Variants in NFIB observed in about 807,000 individuals in gnomAD.
NFIB encodes nuclear factor I B.
Under a neutral mutation model 61.5 loss-of-function variants are expected in NFIB, and 11 were observed. The observed-to-expected ratio is 0.18, with a 90% CI of 0.11 to 0.30. NFIB has a LOEUF of 0.30. Among genes scored for constraint, NFIB ranks in the 10% least tolerant of loss-of-function variants. NFIB has a pLI of 1.00. For synonymous variants in NFIB, 260 were observed against 216.5 expected (o/e 1.20, Z -1.76); for missense variants, 471 against 608.9 (o/e 0.77, Z 2.38).
At chr9:14,155,583 C>G (rs553088727) in intron 4 of NFIB, among the ~76,000 whole-genome samples, 4 of 151,954 alleles carry the variant, frequency 2.6e-5, no homozygotes, top group Non-Finnish European at 4.4e-5. Flanking sequence ...TAAATGAATA[C>G]CAATAACATG....
At chr9:14,470,220 T>C in the NFIB span, among the ~76,000 whole-genome samples, 1 of 152,180 alleles carries the variant, frequency 6.6e-6, no homozygotes, top group African/African-American at 2.4e-5. Context: ...GCTGTTATTG[T>C]CATTGCAGCA....
chr9:14,451,024 T>C, the NFIB span, among the ~76,000 whole-genome samples: 4 of 152,208 alleles, frequency 2.6e-5, no homozygotes, highest in South Asian at 4.1e-4. Context: ...CACACAACTA[T>C]TTAGAGCAGG....
chr9:14,380,893 AC>A lies in NFIB; in HGVS notation c.108+17630del, dbSNP rs1211425201. On this transcript the variant is annotated intron_variant, in intron 1 of 8. Transcript: ENST00000380934. ...AGAAGCTAGGTGCTGTCACTAATTC[AC>A]CTCATCTGTTCTTCCAGCACTCAGA... is the stretch of plus-strand genomic sequence containing the variant. Among the ~76,000 whole-genome samples the A allele has an allele frequency of 2.0e-5, 3 of 151,672 alleles. No homozygotes were observed. The South Asian group carries it at 6.3e-4, about 32-fold the overall frequency.
At position 14,120,827 on chromosome 9, in the gene NFIB, A is replaced by G. The variant is rs973527497; in HGVS notation, c.1061-203T>C. ...ACGGCTAACTACACAGAGATAAAACATCACTCTAGAAAATTAACAATCTTG... is the reference window on the plus strand; with the variant it reads ...ACGGCTAACTACACAGAGATAAAACGTCACTCTAGAAAATTAACAATCTTG... On this transcript the variant is annotated intron_variant, in intron 7 of 10. Transcript: ENST00000380953. The surrounding 1 kb of genome is among the most constrained non-coding windows in gnomAD (Gnocchi z 4.4). Among the ~76,000 whole-genome samples the G allele has an allele frequency of 6.6e-6, 1 of 152,234 alleles. No individual in the cohort carries two copies. The highest frequency in any genetic ancestry group is 2.4e-5 in the African/African-American group (1 of 41,464).
At chr9:14,366,917 G>A (rs545109355) in intron 1 of NFIB, among the ~76,000 whole-genome samples, 1 of 152,316 alleles carries the variant, frequency 6.6e-6, no homozygotes, top group Admixed American at 6.5e-5. Flanking sequence ...GGCACCTCCA[G>A]CTTTTCTTCT....
At chr9:14,475,232 T>A in the NFIB span, among the ~76,000 whole-genome samples, 1 of 152,238 alleles carries the variant, frequency 6.6e-6, no homozygotes, top group Non-Finnish European at 1.5e-5. Context: ...GCTAAGTGAC[T>A]TGCCCATGGT....
At chr9:14,096,518 G>A (rs1378937531) in intron 10 of NFIB, 2 of 152,184 alleles carry the variant, frequency 1.3e-5, no homozygotes, top group African/African-American at 4.8e-5. Context: ...TCACACTGCA[G>A]ATCCTGCTGC....
At chr9:14,164,366 T>A (rs1225322320) in intron 3 of NFIB, among the ~76,000 whole-genome samples, 1 of 152,050 alleles carries the variant, frequency 6.6e-6, no homozygotes, top group Non-Finnish European at 1.5e-5. Context: ...CTAGGCTATA[T>A]GCATGAAATT....
At chr9:14,287,840 G>A (rs1192893678) in intron 2 of NFIB, among the ~76,000 whole-genome samples, 2 of 152,092 alleles carry the variant, frequency 1.3e-5, no homozygotes, top group Non-Finnish European at 2.9e-5. Flanking sequence ...ATTGTTGGGT[G>A]TGTCACTAGA....
At chr9:14,195,590 T>C (rs921576479) in intron 2 of NFIB, among the ~76,000 whole-genome samples, 1 of 152,212 alleles carries the variant, frequency 6.6e-6, no homozygotes, top group Non-Finnish European at 1.5e-5. Context: ...ACTGTCGATA[T>C]AAATGACTGC....
At chr9:14,411,462 G>A in the NFIB span, among the ~76,000 whole-genome samples, 1,201 of 152,204 alleles carry the variant, frequency 7.9e-3, 10 homozygotes, top group African/African-American at 0.028. Flanking sequence ...CTTTCCTCCT[G>A]GCTTAGAAAA....
intron 2 of NFIB, among the ~76,000 whole-genome samples, chr9:14,231,143 T>A (rs1342053017): frequency 3.9e-5 from 5 of 127,138 alleles, no homozygotes; most frequent in African/African-American, 9.0e-5. Context: ...AAAATATATA[T>A]ATATATATAT....
At chr9:14,147,700 G>T (rs1587024955) in intron 5 of NFIB, among the ~76,000 whole-genome samples, 1 of 126,806 alleles carries the variant, frequency 7.9e-6, no homozygotes, top group African/African-American at 3.0e-5. Flanking sequence ...AGTACACTGT[G>T]GCTCAATCTT....
intron 6 of NFIB, among the ~76,000 whole-genome samples, chr9:14,134,795 G>T (rs1406086534): frequency 6.6e-6 from 1 of 150,604 alleles, no homozygotes; most frequent in African/African-American, 2.4e-5. Flanking sequence ...TACTGGGGAG[G>T]TTAGGGCAGG....
chr9:14,360,884 T>A (rs62532798), intron 1 of NFIB, among the ~76,000 whole-genome samples: 3,942 of 152,236 alleles, frequency 0.026, 67 homozygotes, highest in Non-Finnish European at 0.027. Context: ...ATGTTGTACC[T>A]TTGGTTAATT....
chr9:14,226,425 G>C (rs1222089265), intron 2 of NFIB, among the ~76,000 whole-genome samples: 1 of 151,886 alleles, frequency 6.6e-6, no homozygotes, highest in African/African-American at 2.4e-5. Flanking sequence ...GCATGCACCT[G>C]TAGTCCCAGT....
intron 2 of NFIB, among the ~76,000 whole-genome samples, chr9:14,289,845 A>G (rs902994061): frequency 6.6e-6 from 1 of 152,054 alleles, no homozygotes; most frequent in Non-Finnish European, 1.5e-5. Context: ...TGTGGGACTA[A>G]AAGTCAGTGC....
intron 3 of NFIB, among the ~76,000 whole-genome samples, chr9:14,166,969 AT>A (rs1199152932): frequency 2.0e-5 from 3 of 147,512 alleles, no homozygotes; most frequent in Non-Finnish European, 4.5e-5. Context: ...TTTCTCTGGA[AT>A]TTTTTTCTAG....
At chr9:14,455,438 T>C in the NFIB span, among the ~76,000 whole-genome samples, 12 of 152,158 alleles carry the variant, frequency 7.9e-5, no homozygotes, top group African/African-American at 2.9e-4. Context: ...CACTTGAGGA[T>C]GTGAACTGGA....
Sources: gnomAD v4.1 joint callset for allele counts (sites outside exome capture counted in the v4.1 genomes callset) on GRCh38, gnomAD v4.1.1 for gene constraint, Gnocchi (gnomAD v3.1) non-coding constraint, MANE v1.5 for transcripts, NCBI Gene and HGNC (gene_info 2026-07-23, HGNC 2026-07-21) for gene names.